The following DPY19L2 variants were observed in gnomAD, a reference collection of about 807,000 sequenced individuals.
The protein encoded by DPY19L2 is probable C-mannosyltransferase DPY19L2.
DPY19L2 carries 34 observed loss-of-function variants against 97.9 expected under a neutral mutation model. The ratio of observed to expected loss-of-function variants is 0.35; its 90% CI spans 0.26 to 0.46. DPY19L2 has a LOEUF of 0.46. Among genes scored for constraint, DPY19L2 ranks in the 20% least tolerant of loss-of-function variants. The probability of loss-of-function intolerance (pLI) is 1.00; values close to 1 mark genes in which losing one functional copy is unlikely to be tolerated. For synonymous variants in DPY19L2, 230 were observed against 307.9 expected, an observed-to-expected ratio of 0.75 and a Z score of 2.65; for missense variants, 623 against 911.4, an observed-to-expected ratio of 0.68 and a Z score of 4.07.
chr12:63,642,296 A>C (rs997335196), intron 6 of DPY19L2, among the ~76,000 whole-genome samples: 2 of 152,040 alleles, frequency 1.3e-5, no homozygotes, highest in African/African-American at 4.8e-5. Flanking sequence ...TTTGTGGTTT[A>C]TTTTTTATCC....
At chr12:63,571,422 C>T (rs1878820426) in intron 19 of DPY19L2, among the ~76,000 whole-genome samples, 1 of 152,138 alleles carries the variant, frequency 6.6e-6, no homozygotes, top group Admixed American at 6.5e-5. Context: ...TCCTGCTATG[C>T]TAGAGTACCA....
chr12:63,636,317 A>C (rs1891684936), intron 6 of DPY19L2, among the ~76,000 whole-genome samples: 1 of 152,204 alleles, frequency 6.6e-6, no homozygotes. Flanking sequence ...CAGCCACTGC[A>C]AAAACATGCT....
At chr12:63,584,473 CA>C (rs1881443949) in intron 16 of DPY19L2, among the ~76,000 whole-genome samples, 1 of 152,102 alleles carries the variant, frequency 6.6e-6, no homozygotes, top group Non-Finnish European at 1.5e-5. Flanking sequence ...AACTGCAGTC[CA>C]AAAACATTAA....
intron 19 of DPY19L2, among the ~76,000 whole-genome samples, chr12:63,574,646 G>C (rs1469605214): frequency 6.6e-6 from 1 of 151,882 alleles, no homozygotes; most frequent in Non-Finnish European, 1.5e-5. Context: ...CCATAAAAGA[G>C]CAGGAATAGC....
intron 21 of DPY19L2, among the ~76,000 whole-genome samples, chr12:63,567,175 T>C (rs1489457970): frequency 6.6e-6 from 1 of 152,042 alleles, no homozygotes; most frequent in African/African-American, 2.4e-5. Flanking sequence ...CCCTTCCCAC[T>C]CAGCCTCTAA....
chr12:63,626,088 AGTAACT>A (rs975656879), intron 7 of DPY19L2, among the ~76,000 whole-genome samples: 12 of 134,594 alleles, frequency 8.9e-5, no homozygotes, highest in South Asian at 2.2e-4. Flanking sequence ...AATGTGGATA[AGTAACT>A]TAACTTTCTC....
At chr12:63,651,242 C>T (rs1201145409) in intron 4 of DPY19L2, among the ~76,000 whole-genome samples, 1 of 152,064 alleles carries the variant, frequency 6.6e-6, no homozygotes, top group Non-Finnish European at 1.5e-5. Context: ...TCCCCATACA[C>T]AAAAATCAAC....
chr12:63,615,389 T>C (rs1013234430), intron 11 of DPY19L2, among the ~76,000 whole-genome samples: 2 of 152,204 alleles, frequency 1.3e-5, no homozygotes, highest in African/African-American at 4.8e-5. Flanking sequence ...CACTGAAGGC[T>C]AGTACCATAA....
At chr12:63,631,240 A>C (rs1890575298) in intron 6 of DPY19L2, among the ~76,000 whole-genome samples, 1 of 152,166 alleles carries the variant, frequency 6.6e-6, no homozygotes, top group African/African-American at 2.4e-5. Context: ...AAGGAGATAG[A>C]GACACAAAAA....
At chr12:63,596,981 C>CT (rs1185325132) in intron 14 of DPY19L2, among the ~76,000 whole-genome samples, 17 of 150,176 alleles carry the variant, frequency 1.1e-4, no homozygotes, top group Admixed American at 1.1e-3. Flanking sequence ...ATTTTTTTTT[C>CT]TTTTTTTTTG....
At chr12:63,580,599 T>C in intron 19 of DPY19L2, 63 bp downstream of exon 19, 1 of 1,421,950 alleles carries the variant, frequency 7.0e-7, no homozygotes, top group South Asian at 1.4e-5. Context: ...TAATTATATA[T>C]AGTATACACA....
chr12:63,615,836 A>G (rs1234643721), intron 11 of DPY19L2, among the ~76,000 whole-genome samples: 1 of 152,106 alleles, frequency 6.6e-6, no homozygotes, highest in Admixed American at 6.5e-5. Flanking sequence ...ATGGTAGTTT[A>G]AGAATGTTTG....
chr12:63,583,935 G>GTGAC, intron 16 of DPY19L2, 99 bp from the exon 17 acceptor site: 2 of 969,952 alleles, frequency 2.1e-6, no homozygotes, highest in Non-Finnish European at 3.1e-6. Context: ...TTTTTAAAAT[G>GTGAC]TGACTATCTC....
intron 7 of DPY19L2, 84 bp downstream of exon 7, chr12:63,626,385 A>G (rs887197980): frequency 2.3e-4 from 324 of 1,394,010 alleles, no homozygotes; most frequent in Non-Finnish European, 3.1e-4. Flanking sequence ...GTAGTATACA[A>G]TTAAATATTG....
At chr12:63,634,094 T>A (rs1403179961) in intron 6 of DPY19L2, among the ~76,000 whole-genome samples, 1 of 151,756 alleles carries the variant, frequency 6.6e-6, no homozygotes, top group African/African-American at 2.4e-5. Context: ...GGATAGCATT[T>A]GGAGATATAC....
chr12:63,657,601 A>G (rs1895137365), intron 4 of DPY19L2, among the ~76,000 whole-genome samples: 1 of 151,708 alleles, frequency 6.6e-6, no homozygotes, highest in Admixed American at 6.6e-5. Flanking sequence ...GCTTCACTGG[A>G]TACCCACCAG....
chr12:63,640,209 G>T lies in DPY19L2; in HGVS notation c.803+4194C>A, dbSNP rs11838328. Among the ~76,000 whole-genome samples the T allele has an allele frequency of 6.8e-4, 103 of 152,164 alleles. 1 individual carries two copies. Among genetic ancestry groups the T allele is most frequent in the Middle Eastern group, 3.4e-3 (1 of 294 alleles). On this transcript the variant is annotated intron_variant, in intron 6 of 21. Coordinates refer to ENST00000324472, the MANE Select transcript of DPY19L2 (RefSeq NM_173812.5). Reference sequence around the variant, plus strand: ...CACACCGGGGCCTGTCATGAGGTTGGGGGAAGAAGGAGGGATAGCATTAGG... The same window carrying T: ...CACACCGGGGCCTGTCATGAGGTTGTGGGAAGAAGGAGGGATAGCATTAGG...
At chr12:63,639,872 A>C (rs1463856276) in intron 6 of DPY19L2, among the ~76,000 whole-genome samples, 1 of 152,174 alleles carries the variant, frequency 6.6e-6, no homozygotes, top group African/African-American at 2.4e-5. Context: ...AAGGATTATA[A>C]ATCATGCTGC....
intron 16 of DPY19L2, among the ~76,000 whole-genome samples, chr12:63,593,192 G>T (rs1883462685): frequency 6.6e-6 from 1 of 152,094 alleles, no homozygotes; most frequent in African/African-American, 2.4e-5. Context: ...ACTGTTGGTG[G>T]GACTGTAAAC....
Sources: allele counts gnomAD v4.1 joint callset (sites outside exome capture counted in the v4.1 genomes callset), GRCh38; gene constraint gnomAD v4.1.1; transcripts MANE v1.5; gene names NCBI Gene and HGNC (gene_info 2026-07-23, HGNC 2026-07-21).